Variants in HOMEZ observed in about 807,000 individuals in gnomAD.
HOMEZ encodes homeobox and leucine zipper protein Homez.
In HOMEZ, 20 loss-of-function variants were observed where a neutral mutation model predicts 50.1. The observed-to-expected ratio is 0.40, with a 90% confidence interval of 0.28 to 0.58. The LOEUF (loss-of-function observed/expected upper bound fraction) is 0.58. Ranked by LOEUF, HOMEZ falls within the 20% of genes least tolerant of loss-of-function variation. The pLI, the probability that HOMEZ is intolerant of heterozygous loss-of-function variation, is 0.46. For synonymous variants in HOMEZ, 239 were observed against 254.7 expected (o/e 0.94, Z 0.59); for missense variants, 579 against 680.5 (o/e 0.85, Z 1.66).
chr14:23,277,481 T>C (rs891194833), intron 1 of HOMEZ, among the ~76,000 whole-genome samples: 27 of 152,194 alleles, frequency 1.8e-4, no homozygotes, highest in African/African-American at 6.3e-4. Flanking sequence ...AAGCCAGCCA[T>C]GGTGGCTCAT....
intron 1 of HOMEZ, among the ~76,000 whole-genome samples, chr14:23,280,738 T>C (rs370682986): frequency 2.0e-4 from 3 of 14,652 alleles, no homozygotes; most frequent in African/African-American, 3.5e-4. Context: ...TTATTTTATT[T>C]TATTATTTTA....
chr14:23,281,067 C>G (rs997868045), intron 1 of HOMEZ, among the ~76,000 whole-genome samples: 1 of 151,944 alleles, frequency 6.6e-6, no homozygotes, highest in African/African-American at 2.4e-5. Flanking sequence ...CCGGGCCCAG[C>G]CTTCTATCTG....
In HOMEZ at chr14:23,272,426, CAACAAACAAACA is replaced by C. The variant is rs376451658; in HGVS notation, c.*3137_*3148del. On this transcript the variant is annotated 3_prime_UTR_variant, in exon 2 of 2. Transcript: ENST00000357460. Reference sequence around the variant, plus strand: ...AGAGCGAGACTCCATCTCAAAAAAACAACAAACAAACAAACAAACAAACAACCGAAAATGTGA... The same window carrying C: ...AGAGCGAGACTCCATCTCAAAAAAACAACAAACAAACAACCGAAAATGTGA... The C allele has an allele frequency of 3.9e-6, 1 of 253,586 alleles. No homozygotes were observed. Among genetic ancestry groups the C allele is most frequent in the Non-Finnish European group, 7.7e-6 (1 of 129,400 alleles). 15.7% of individuals were successfully genotyped at this position (253,586 alleles called of 1,614,324 possible).
Position 23,276,584 on chromosome 14 carries a change from T to C in HOMEZ, c.644A>G (p.Tyr215Cys). Residue 215 changes from tyrosine to cysteine, a missense_variant, in exon 2 of 2, where the codon TAC (tyrosine) becomes TGC (cysteine). By Grantham distance (194) the Tyr-to-Cys change is radical (BLOSUM62 -2). Transcript: ENST00000357460. This position sits in a 1 kb window ranked among gnomAD's most constrained non-coding sequence, Gnocchi z 4.1. ...LMTPGSGAFP[Y>C]QSDFWQHLQS... ...AAGATGTTGCCAAAAATCTGATTGG[T>C]AGGGGAATGCTCCACTGCCAGGTGT... 1 of 1,613,958 alleles carries C rather than the reference T, an allele frequency of 6.2e-7. No homozygotes were observed. The highest frequency in any genetic ancestry group is 8.5e-7 in the Non-Finnish European group (1 of 1,179,862).
At chr14:23,279,740 C>T (rs1393501861) in intron 1 of HOMEZ, among the ~76,000 whole-genome samples, 1 of 152,136 alleles carries the variant, frequency 6.6e-6, no homozygotes, top group East Asian at 1.9e-4. Flanking sequence ...CCTTGGCCTC[C>T]CAAAGTGCTG....
intron 1 of HOMEZ, among the ~76,000 whole-genome samples, chr14:23,278,158 GCT>G (rs946494001): frequency 6.8e-6 from 1 of 146,816 alleles, no homozygotes; most frequent in Non-Finnish European, 1.5e-5. Flanking sequence ...AGATAATATT[GCT>G]CTGTCACCCA....
At chr14:23,279,785 A>AT (rs1013561352) in intron 1 of HOMEZ, among the ~76,000 whole-genome samples, 3 of 150,846 alleles carry the variant, frequency 2.0e-5, no homozygotes, top group East Asian at 2.0e-4. Flanking sequence ...CCTGGCCACT[A>AT]TTTTTTTTTA....
chr14:23,273,025 C>G lies in HOMEZ; in HGVS notation c.*2550G>C, dbSNP rs960205863. 5.4e-6 allele frequency: 3 copies of G among 551,840 alleles called. No individual in the cohort carries two copies. The Admixed American group carries it at 1.1e-4, about 20-fold the overall frequency. 34.2% of individuals were successfully genotyped at this position (551,840 alleles called of 1,614,324 possible). The stretch of plus-strand genomic sequence containing the variant: ...TTTCACTCTGTACCTTATGCTCCCC[C>G]CATCTTTACCCTATTCACCCTTATC... On this transcript the variant is annotated 3_prime_UTR_variant, in exon 2 of 2. Coordinates refer to ENST00000357460, the MANE Select transcript of HOMEZ (RefSeq NM_020834.3).
intron 1 of HOMEZ, among the ~76,000 whole-genome samples, chr14:23,284,091 A>C (rs1374936730): frequency 6.6e-6 from 1 of 152,128 alleles, no homozygotes; most frequent in Non-Finnish European, 1.5e-5. Context: ...AATCAGACAA[A>C]AGTTACAGAC....
chr14:23,285,881 A>AG (rs747472310), intron 1 of HOMEZ, 32 bp downstream of exon 1: 20 of 1,208,246 alleles, frequency 1.7e-5, no homozygotes, highest in Non-Finnish European at 2.0e-5. Flanking sequence ...ACGAGCTGGG[A>AG]GGGGAAGTCC....
intron 1 of HOMEZ, among the ~76,000 whole-genome samples, chr14:23,278,362 A>ATTTTTG (rs1886414481): frequency 1.3e-5 from 2 of 151,356 alleles, no homozygotes; most frequent in South Asian, 4.2e-4. Context: ...GTGTGTGTGC[A>ATTTTTG]TTTTTGTTTT....
chr14:23,278,397 A>G (rs1886414915), intron 1 of HOMEZ, among the ~76,000 whole-genome samples: 2 of 151,378 alleles, frequency 1.3e-5, no homozygotes, highest in South Asian at 4.2e-4. Context: ...ACAGGGTCTC[A>G]CTCTGTTGCC....
chr14:23,276,713 A>C lies in HOMEZ; in HGVS notation c.515T>G (p.Leu172Arg), dbSNP rs759509939. Residue 172 changes from leucine to arginine, a missense_variant, in exon 2 of 2, where the codon CTT becomes CGT. Leu to Arg is a moderately radical substitution (Grantham distance 102). Transcript: ENST00000357460. This position sits in a 1 kb window ranked among gnomAD's most constrained non-coding sequence, Gnocchi z 4.1. ...QVGIGIGPPT[L>R]SKPTQTKGLK... ...TCCTTTCGTCTGGGTAGGCTTGCTA[A>C]GAGTTGGAGGACCTATTCCAATACC... 1.9e-6 allele frequency: 3 copies of C among 1,613,994 alleles called. No homozygotes were observed. The highest frequency in any genetic ancestry group is 2.5e-6 in the Non-Finnish European group (3 of 1,179,878).
In HOMEZ at chr14:23,273,379, GTTAATTTT is replaced by G. The variant is rs1163315392; in HGVS notation, c.*2188_*2195del. 2.6e-5 allele frequency: 4 copies of G among 152,248 alleles called. No homozygotes were observed. Among genetic ancestry groups the G allele is most frequent in the African/African-American group, 9.7e-5 (4 of 41,378 alleles). 9.4% of individuals were successfully genotyped at this position (152,248 alleles called of 1,614,324 possible). A position where few individuals can be genotyped will look rare whatever the true frequency, so the allele number is the denominator to read the frequency against. The stretch of plus-strand genomic sequence containing the variant: ...CCTCTATGCTTAGTTACTATTAAAT[GTTAATTTT>G]CCTTTCTATTGAAAACAACTGTTGG... On this transcript the variant is annotated 3_prime_UTR_variant, in exon 2 of 2. Transcript: ENST00000357460.
intron 1 of HOMEZ, chr14:23,285,610 A>C (rs1043713472): frequency 3.1e-6 from 1 of 325,258 alleles, no homozygotes. Flanking sequence ...GAAGGCTCCG[A>C]ACTGGGTCAG....
chr14:23,275,315 GTT>G lies in HOMEZ; in HGVS notation c.*258_*259del. Reference sequence around the variant, plus strand: ...AGCAAGAGCAGCTTCCCAGCCCATGGTTTCCCCAGATCCTTAGCACTCCCTAC... The same window carrying G: ...AGCAAGAGCAGCTTCCCAGCCCATGGTCCCCAGATCCTTAGCACTCCCTAC... On this transcript the variant is annotated 3_prime_UTR_variant, in exon 2 of 2. Transcript: ENST00000357460. The G allele has an allele frequency of 1.9e-5, 9 of 479,914 alleles. No homozygotes were observed. Among genetic ancestry groups the G allele is most frequent in the South Asian group, 1.5e-4 (4 of 26,364 alleles). The allele number at this position is 479,914 out of a possible 1,614,324, so 29.7% of individuals were successfully genotyped here. A position where few individuals can be genotyped will look rare whatever the true frequency, so the allele number is the denominator to read the frequency against.
chr14:23,278,811 GA>G (rs1411809789), intron 1 of HOMEZ, among the ~76,000 whole-genome samples: 1 of 151,374 alleles, frequency 6.6e-6, no homozygotes, highest in African/African-American at 2.4e-5. Context: ...GAATAGCTGG[GA>G]CTACAGGCGT....
rs148005528 is a variant in HOMEZ, at chr14:23,275,591, ACAT to A, written c.1634_1636del (p.Asp545del). The A allele has an allele frequency of 0.38, 562,106 of 1,475,950 alleles. 95,634 individuals carry two copies. Among genetic ancestry groups the A allele is most frequent in the African/African-American group, 0.49 (34,244 of 69,254 alleles). 91.4% of individuals were successfully genotyped at this position (1,475,950 alleles called of 1,614,324 possible). The stretch of plus-strand genomic sequence containing the variant: ...GCTCCCCACTCAGTCTTGTATGATC[ACAT>A]CATCATCATCATCATCATCATCTTC... On this transcript the variant is annotated inframe_deletion, in exon 2 of 2. Coordinates refer to ENST00000357460, the MANE Select transcript of HOMEZ (RefSeq NM_020834.3).
At chr14:23,279,362 G>C (rs1357916201) in intron 1 of HOMEZ, among the ~76,000 whole-genome samples, 2 of 152,182 alleles carry the variant, frequency 1.3e-5, no homozygotes, top group African/African-American at 4.8e-5. Context: ...TCCTGACACA[G>C]GTGGCCCCTG....
Sources: allele counts gnomAD v4.1 joint callset (sites outside exome capture counted in the v4.1 genomes callset), GRCh38; gene constraint gnomAD v4.1.1; non-coding constraint Gnocchi (gnomAD v3.1); transcripts MANE v1.5; gene names NCBI Gene and HGNC (gene_info 2026-07-23, HGNC 2026-07-21).